SOD2: variants seen among roughly 807,000 people sequenced by gnomAD.
SOD2 encodes superoxide dismutase 2.
SOD2 carries 11 observed loss-of-function variants against 27.0 expected under a neutral mutation model. The observed-to-expected ratio is 0.41, with a 90% CI of 0.26 to 0.67. The LOEUF (loss-of-function observed/expected upper bound fraction) is 0.67. Ranked by LOEUF, SOD2 falls within the 30% of genes least tolerant of loss-of-function variation. The probability of loss-of-function intolerance (pLI) is 0.34; values close to 1 mark genes in which losing one functional copy is unlikely to be tolerated. For missense variants in SOD2, 250 were observed against 274.5 expected, an observed-to-expected ratio of 0.91 and a Z score of 0.63; for synonymous variants, 105 against 103.0, an observed-to-expected ratio of 1.02 and a Z score of -0.12.
chr6:159,688,499 A>T (rs549572709), intron 2 of SOD2, among the ~76,000 whole-genome samples: 1 of 126,734 alleles, frequency 7.9e-6, no homozygotes, highest in Non-Finnish European at 1.8e-5. Context: ...TCTCTTAGAT[A>T]GAAGAGATTT....
chr6:159,727,854 C>T (rs1390647609), upstream of SOD2, among the ~76,000 whole-genome samples: 1 of 152,350 alleles, frequency 6.6e-6, no homozygotes, highest in South Asian at 2.1e-4. Flanking sequence ...GCCGCTCTAC[C>T]TTCCCGCCTG....
In SOD2 at chr6:159,713,169, C is replaced by T. The variant is rs571713081; in HGVS notation, c.-116+13960G>A. ...CTCTGGAAACTGGACCCACTATCTC[C>T]GTATCTATGATCAGACATTCCTGAA... On this transcript the variant is annotated intron_variant, in intron 1 of 2. Transcript: ENST00000401980. 7.9e-6 allele frequency: 10 copies of T among 1,264,056 alleles called. No individual in the cohort carries two copies. In the Admixed American group the frequency reaches 1.2e-4, roughly 15 times the overall value. 78.3% of individuals were successfully genotyped at this position (1,264,056 alleles called of 1,614,324 possible). A position where few individuals can be genotyped will look rare whatever the true frequency, so the allele number is the denominator to read the frequency against.
chr6:159,692,190 C>A, intron 2 of SOD2: 1 of 295,148 alleles, frequency 3.4e-6, no homozygotes, highest in Non-Finnish European at 6.2e-6. Context: ...GAGACACCTG[C>A]GGACCCGATG....
chr6:159,682,755 A>C, intron 4 of SOD2, 117 bp from the exon 5 acceptor site: 312 of 928,924 alleles, frequency 3.4e-4, no homozygotes, highest in Non-Finnish European at 4.2e-4. Context: ...TAACAATCTC[A>C]TTCACTTGTT....
intron 1 of SOD2, among the ~76,000 whole-genome samples, chr6:159,716,208 G>A (rs1271790155): frequency 6.6e-6 from 1 of 152,184 alleles, no homozygotes; most frequent in African/African-American, 2.4e-5. Flanking sequence ...GAATCCTGAT[G>A]AACAGTGGTT....
intron 1 of SOD2, among the ~76,000 whole-genome samples, chr6:159,702,654 CAAAAAAAAAAA>C (rs750073120): frequency 1.9e-3 from 76 of 39,852 alleles, no homozygotes; most frequent in African/African-American, 5.7e-3. Context: ...TCTATCTCTC[CAAAAAAAAAAA>C]AAAAAAAAAA....
At chr6:159,724,373 T>C (rs1263540803) in intron 1 of SOD2, among the ~76,000 whole-genome samples, 6 of 152,230 alleles carry the variant, frequency 3.9e-5, no homozygotes, top group Admixed American at 6.5e-5. Flanking sequence ...AAAATACTTA[T>C]GTTATCCTAC....
Position 159,675,305 on chromosome 6 carries a change from A to C in SOD2, c.*7188T>G, listed in dbSNP as rs576838058. ...GCACTGCCAAAACGATCCTAAGCCA[A>C]AAGAACAAAGCTGGAGGCATCACGC... On this transcript the variant is annotated 3_prime_UTR_variant, in exon 5 of 5. Coordinates refer to ENST00000538183, the MANE Select transcript of SOD2 (RefSeq NM_000636.4). 1 of 152,336 alleles carries C rather than the reference A, an allele frequency of 6.6e-6. No individual in the cohort carries two copies. The highest frequency in any genetic ancestry group is 2.4e-5 in the African/African-American group (1 of 41,560). 9.4% of individuals were successfully genotyped at this position (152,336 alleles called of 1,614,324 possible).
intron 1 of SOD2, among the ~76,000 whole-genome samples, chr6:159,735,841 C>T (rs1038714641): frequency 6.6e-6 from 1 of 152,118 alleles, no homozygotes; most frequent in African/African-American, 2.4e-5. Context: ...ACTTTAACAA[C>T]ATAATGCTAT....
intron 1 of SOD2, among the ~76,000 whole-genome samples, chr6:159,740,528 C>A (rs1308392274): frequency 6.6e-6 from 1 of 152,042 alleles, no homozygotes; most frequent in Non-Finnish European, 1.5e-5. Flanking sequence ...TAAAATAAAT[C>A]GTTCTTTTAT....
At chr6:159,725,499 AAAG>A (rs2114844170) in intron 1 of SOD2, 2 of 149,086 alleles carry the variant, frequency 1.3e-5, no homozygotes, top group African/African-American at 2.5e-5. Flanking sequence ...AAAAAAACCC[AAAG>A]AATAATTATT....
At chr6:159,748,125 T>G, upstream of SOD2, 2 of 1,518,350 alleles carry the variant, frequency 1.3e-6, no homozygotes, top group South Asian at 1.3e-5. The surrounding 1 kb of genome is among the most constrained non-coding windows in gnomAD (Gnocchi z 5.6). Flanking sequence ...ATGGAGGGAG[T>G]TTTCCCCACC....
rs1174964786 is a variant in SOD2 at position 159,688,017 on chromosome 6, AAAC to A, written c.343+106_343+108del. 17 of 725,776 alleles carry A rather than the reference AAAC, an allele frequency of 2.3e-5. No homozygotes were observed. In the East Asian group the frequency reaches 4.1e-4, roughly 17 times the overall value. 45.0% of individuals were successfully genotyped at this position (725,776 alleles called of 1,614,324 possible). A position where few individuals can be genotyped will look rare whatever the true frequency, so the allele number is the denominator to read the frequency against. On this transcript the variant is annotated intron_variant, in intron 3 of 4. Transcript: ENST00000538183. ...CAAGAGCAAAACTCTTGTCTCAAAAAAACAACAACAAAAAAAACAAAAAACAAG... is the reference window on the plus strand; with the variant it reads ...CAAGAGCAAAACTCTTGTCTCAAAAAAACAACAAAAAAAACAAAAAACAAG...
At chr6:159,720,675 T>C (rs1293922893) in intron 1 of SOD2, 1 of 149,798 alleles carries the variant, frequency 6.7e-6, no homozygotes, top group Non-Finnish European at 1.5e-5. Flanking sequence ...GTCTTACGAC[T>C]TTTTTTTTAG....
chr6:159,712,001 AT>A lies in SOD2; in HGVS notation c.-116+15127del, dbSNP rs1562437968. 5.0e-4 allele frequency among the ~76,000 whole-genome samples: 38 copies of A among 75,450 alleles called. 1 individual carries two copies. The highest frequency in any genetic ancestry group is 1.9e-3 in the African/African-American group (35 of 18,612). 49.5% of individuals were successfully genotyped at this position (75,450 alleles called of 152,430 possible). A position where few individuals can be genotyped will look rare whatever the true frequency, so the allele number is the denominator to read the frequency against. On this transcript the variant is annotated intron_variant, in intron 1 of 2. Transcript: ENST00000401980. The stretch of plus-strand genomic sequence containing the variant: ...CACCACTCACACTGCTCAGACCTCC[AT>A]AACCACCTCCATAACCACCACTCAC...
At chr6:159,760,094 G>A (rs1213161425) in intron 1 of SOD2, among the ~76,000 whole-genome samples, 1 of 152,204 alleles carries the variant, frequency 6.6e-6, no homozygotes, top group African/African-American at 2.4e-5. Context: ...TTAGGGGTAA[G>A]ATGCTGCACC....
At chr6:159,716,796 T>C (rs1777928829) in intron 1 of SOD2, among the ~76,000 whole-genome samples, 1 of 152,202 alleles carries the variant, frequency 6.6e-6, no homozygotes, top group Non-Finnish European at 1.5e-5. Context: ...CACACACAAA[T>C]TGTCTTGTCC....
intron 1 of SOD2, chr6:159,756,176 G>A (rs1780007180): frequency 6.5e-6 from 1 of 152,676 alleles, no homozygotes; most frequent in Non-Finnish European, 1.5e-5. Flanking sequence ...TTTCTCTTTA[G>A]GTGACTGTTT....
At chr6:159,753,885 G>A (rs2114959201) in intron 1 of SOD2, among the ~76,000 whole-genome samples, 1 of 152,196 alleles carries the variant, frequency 6.6e-6, no homozygotes, top group South Asian at 2.1e-4. Context: ...AAGATAAAAG[G>A]GTGTTGTATT....
Sources: gnomAD v4.1 joint callset for allele counts (sites outside exome capture counted in the v4.1 genomes callset) on GRCh38, gnomAD v4.1.1 for gene constraint, Gnocchi (gnomAD v3.1) non-coding constraint, MANE v1.5 for transcripts, NCBI Gene and HGNC (gene_info 2026-07-23, HGNC 2026-07-21) for gene names.